DENND2B: variants seen among roughly 807,000 people sequenced by gnomAD.
The protein encoded by DENND2B is DENN domain containing 2B.
In DENND2B, 32 loss-of-function variants were observed where a neutral mutation model predicts 116.0. The ratio of observed to expected loss-of-function variants is 0.28; its 90% CI spans 0.21 to 0.37. The LOEUF is 0.37. DENND2B is among the 10% of genes least tolerant of loss of function. DENND2B has a pLI of 1.00. For missense variants in DENND2B, 1,276 were observed against 1,477.7 expected (o/e 0.86, Z 2.24); for synonymous variants, 588 against 583.9 (o/e 1.01, Z -0.10).
intron 4 of DENND2B, chr11:8,719,204 CG>C: frequency 1.0e-6 from 1 of 985,444 alleles, no homozygotes; most frequent in Non-Finnish European, 1.2e-6. Context: ...AGAGAGGACA[CG>C]GGAGAAGAGC....
chr11:8,811,479 A>C (rs3850936), upstream of DENND2B: 384,755 of 394,026 alleles, frequency 0.98, 188,477 homozygotes, highest in East Asian at 1. Context: ...GTGCAGGCTT[A>C]GTGGGAGCTG....
chr11:8,808,218 A>G (rs1428581862), intron 1 of DENND2B: 3 of 152,394 alleles, frequency 2.0e-5, no homozygotes, highest in African/African-American at 7.2e-5. Flanking sequence ...TTCTAAACCC[A>G]GAATGAAGGA....
intron 1 of DENND2B, among the ~76,000 whole-genome samples, chr11:8,895,074 A>C (rs947974840): frequency 6.6e-6 from 1 of 152,220 alleles, no homozygotes; most frequent in Non-Finnish European, 1.5e-5. Context: ...CAGCCATAAA[A>C]AAGGATGAGT....
At position 8,744,491 on chromosome 11, in the gene DENND2B, T is replaced by C. The variant is rs144137114; in HGVS notation, c.80+6130A>G. ...CTTGGAGTAAAAAGAGCAGAGATAG[T>C]ACAAAATGAAGAAAAGACTTTGGGC... On this transcript the variant is annotated intron_variant, in intron 2 of 19. Coordinates refer to ENST00000313726, the MANE Select transcript of DENND2B (RefSeq NM_213618.2). 2.3e-4 allele frequency among the ~76,000 whole-genome samples: 35 copies of C among 152,198 alleles called. No individual in the cohort carries two copies. The East Asian group carries it at 4.6e-3, about 20-fold the overall frequency.
intron 1 of DENND2B, among the ~76,000 whole-genome samples, chr11:8,907,238 T>C (rs1287282233): frequency 1.3e-5 from 2 of 152,220 alleles, no homozygotes; most frequent in African/African-American, 2.4e-5. Flanking sequence ...CTGTCAATAC[T>C]GACAGTCTAT....
chr11:8,715,581 G>A (rs1286888760), intron 6 of DENND2B, 22 bp downstream of exon 6: 1 of 1,609,658 alleles, frequency 6.2e-7, no homozygotes, highest in Admixed American at 1.7e-5. Flanking sequence ...CGGCTCCAGT[G>A]GGCTGCCTCT....
Position 8,707,354 on chromosome 11 carries a change from T to C in DENND2B, c.2431-129A>G. ...GAAGCTGGGAGACGGGAAGGTGGTC[T>C]TGCCATGATCTGCACACTCTACCCT... is the stretch of plus-strand genomic sequence containing the variant. On this transcript the variant is annotated intron_variant, in intron 12 of 19. Transcript: ENST00000313726. The surrounding 1 kb of genome is among the most constrained non-coding windows in gnomAD (Gnocchi z 4.8). 7.9e-7 allele frequency: 1 copy of C among 1,263,734 alleles called. No homozygotes were observed. Among genetic ancestry groups the C allele is most frequent in the Non-Finnish European group, 1.1e-6 (1 of 934,060 alleles). The allele number at this position is 1,263,734 out of a possible 1,614,324, so 78.3% of individuals were successfully genotyped here.
At chr11:8,904,064 C>T (rs72851596) in intron 1 of DENND2B, among the ~76,000 whole-genome samples, 12,079 of 152,038 alleles carry the variant, frequency 0.079, 714 homozygotes, top group South Asian at 0.25. Context: ...AGAAATAGAA[C>T]ATTCCTAAAT....
intron 1 of DENND2B, chr11:8,784,114 A>T (rs1208992104): frequency 6.6e-6 from 1 of 152,202 alleles, no homozygotes; most frequent in African/African-American, 2.4e-5. Flanking sequence ...CTGTCATAAG[A>T]TCAGCCCCAG....
intron 1 of DENND2B, among the ~76,000 whole-genome samples, chr11:8,801,689 A>AAAAG (rs1555198990): frequency 5.9e-5 from 7 of 117,694 alleles, no homozygotes; most frequent in East Asian, 2.5e-4. Flanking sequence ...AAAAAAAAAA[A>AAAAG]AAAGAAAGAA....
intron 3 of DENND2B, among the ~76,000 whole-genome samples, chr11:8,849,462 C>T (rs2062927325): frequency 7.2e-6 from 1 of 137,988 alleles, no homozygotes; most frequent in South Asian, 2.4e-4. Flanking sequence ...CATTGCATTC[C>T]AGCCTGGGCG....
intron 11 of DENND2B, among the ~76,000 whole-genome samples, chr11:8,709,867 C>T (rs1417986382): frequency 6.6e-6 from 1 of 152,106 alleles, no homozygotes; most frequent in Non-Finnish European, 1.5e-5. Context: ...TTCCCTTGGC[C>T]CTTCCCTCCT....
Position 8,712,547 on chromosome 11 carries a change from T to C in DENND2B, c.2172+4A>G. 1 of 1,551,016 alleles carries C rather than the reference T, an allele frequency of 6.4e-7. No individual in the cohort carries two copies. The highest frequency in any genetic ancestry group is 8.7e-7 in the Non-Finnish European group (1 of 1,146,388). On this transcript the variant is annotated splice_donor_region_variant and intron_variant, in intron 9 of 19. Coordinates refer to ENST00000313726, the MANE Select transcript of DENND2B (RefSeq NM_213618.2). The surrounding 1 kb of genome is among the most constrained non-coding windows in gnomAD (Gnocchi z 4.4). ...GGGCAAGGTGGGGAGAGAGAAGGCC[T>C]CACCTTGGGAAACTGGTAGGAGACT...
intron 1 of DENND2B, among the ~76,000 whole-genome samples, chr11:8,778,202 G>A (rs11042064): frequency 0.21 from 32,669 of 152,112 alleles, 3,655 homozygotes; most frequent in South Asian, 0.34. Flanking sequence ...CAACTAGCTC[G>A]AAAGAGTCTG....
chr11:8,735,679 C>T (rs933030837), intron 2 of DENND2B, among the ~76,000 whole-genome samples: 7 of 152,226 alleles, frequency 4.6e-5, no homozygotes, highest in Non-Finnish European at 8.8e-5. Context: ...GGGGCACCCC[C>T]TGGAAGTGGA....
intron 1 of DENND2B, among the ~76,000 whole-genome samples, chr11:8,783,046 CTTT>C (rs35035048): frequency 2.5e-5 from 3 of 119,012 alleles, no homozygotes; most frequent in Non-Finnish European, 3.3e-5. Context: ...CACCACTTAC[CTTT>C]TTTTTTTTTT....
At chr11:8,755,578 G>T (rs564703072) in intron 1 of DENND2B, among the ~76,000 whole-genome samples, 2 of 152,070 alleles carry the variant, frequency 1.3e-5, no homozygotes, top group Non-Finnish European at 2.9e-5. Context: ...AGGTGAATAC[G>T]GCAGATGCTT....
At chr11:8,715,866 T>A in intron 5 of DENND2B, 48 bp from the exon 6 acceptor site, 1 of 1,525,370 alleles carries the variant, frequency 6.6e-7, no homozygotes, top group Non-Finnish European at 8.9e-7. Flanking sequence ...ACAGAGGCCT[T>A]GGCCAGTGTC....
chr11:8,697,697 A>C, intron 16 of DENND2B, 61 bp from the exon 17 acceptor site: 26 of 1,103,260 alleles, frequency 2.4e-5, no homozygotes, highest in Non-Finnish European at 3.2e-5. Context: ...ACTATGTGCT[A>C]AGACCTGTTA....
Sources: gnomAD v4.1 joint callset for allele counts (sites outside exome capture counted in the v4.1 genomes callset) on GRCh38, gnomAD v4.1.1 for gene constraint, Gnocchi (gnomAD v3.1) non-coding constraint, MANE v1.5 for transcripts, NCBI Gene and HGNC (gene_info 2026-07-23, HGNC 2026-07-21) for gene names.